The following PCP4 variants were observed in gnomAD, a reference collection of about 807,000 sequenced individuals.
PCP4 encodes the protein Purkinje cell protein 4.
In PCP4, 8 loss-of-function variants were observed where a neutral mutation model predicts 10.0. That is an observed-to-expected ratio of 0.80 (90% CI 0.47 to 1.45). The LOEUF is 1.45. Ranked by LOEUF, PCP4 falls within the 40% of genes most tolerant of loss-of-function variation. The pLI is 0.00. For synonymous variants in PCP4, 21 were observed against 23.0 expected, an observed-to-expected ratio of 0.91 and a Z score of 0.24; for missense variants, 54 against 74.4, an observed-to-expected ratio of 0.73 and a Z score of 1.01.
At chr21:39,872,145 C>T (rs1331695992) in intron 1 of PCP4, among the ~76,000 whole-genome samples, 2 of 152,060 alleles carry the variant, frequency 1.3e-5, no homozygotes, top group Non-Finnish European at 2.9e-5. Context: ...ACTATAGGCT[C>T]CTACCACCAC....
At chr21:39,867,547 AG>A in intron 1 of PCP4, 37 bp downstream of exon 1, 1 of 1,607,696 alleles carries the variant, frequency 6.2e-7, no homozygotes, top group South Asian at 1.1e-5. Flanking sequence ...GAAACTTAGG[AG>A]TGAGAAGGGA....
At chr21:39,927,455 C>G (rs527775225) in intron 2 of PCP4, among the ~76,000 whole-genome samples, 12 of 152,210 alleles carry the variant, frequency 7.9e-5, no homozygotes, top group Admixed American at 7.8e-4. Flanking sequence ...TCAAGGAACC[C>G]CAGCTTCCTC....
chr21:39,921,260 TC>T (rs1197191788), intron 2 of PCP4, among the ~76,000 whole-genome samples: 2 of 152,228 alleles, frequency 1.3e-5, no homozygotes, highest in Non-Finnish European at 2.9e-5. Flanking sequence ...AAGAAGTCTG[TC>T]AGCTTGGTCT....
intron 2 of PCP4, among the ~76,000 whole-genome samples, chr21:39,917,398 C>T (rs2146347668): frequency 6.6e-6 from 1 of 152,312 alleles, no homozygotes; most frequent in East Asian, 1.9e-4. Context: ...CCTGGCCAGC[C>T]CTCACCTGTG....
chr21:39,907,486 C>T (rs1024759663), intron 2 of PCP4, among the ~76,000 whole-genome samples: 1 of 152,136 alleles, frequency 6.6e-6, no homozygotes, highest in Non-Finnish European at 1.5e-5. Flanking sequence ...GCTGTGGCAA[C>T]TTTGCAGAGA....
chr21:39,868,110 C>A (rs1003337089), intron 1 of PCP4, among the ~76,000 whole-genome samples: 2 of 152,210 alleles, frequency 1.3e-5, no homozygotes, highest in African/African-American at 4.8e-5. Flanking sequence ...TTTTGCAAAT[C>A]CAAAGTCACT....
chr21:39,898,661 T>A, intron 2 of PCP4, 134 bp downstream of exon 2: 1 of 677,182 alleles, frequency 1.5e-6, no homozygotes, highest in Non-Finnish European at 2.6e-6. Flanking sequence ...CAGAGGATTT[T>A]AGCAATTCAC....
chr21:39,916,489 C>T (rs1032046931), intron 2 of PCP4, among the ~76,000 whole-genome samples: 36 of 152,124 alleles, frequency 2.4e-4, no homozygotes, highest in South Asian at 2.1e-4. Flanking sequence ...TTCCTCCATC[C>T]CTTTGTTTTG....
chr21:39,874,969 C>T (rs758505294), intron 1 of PCP4, among the ~76,000 whole-genome samples: 100 of 152,238 alleles, frequency 6.6e-4, no homozygotes, highest in African/African-American at 2.1e-3. Flanking sequence ...AGACAGCAAG[C>T]GGTTTCATAA....
At chr21:39,896,756 T>C (rs899672316) in intron 1 of PCP4, among the ~76,000 whole-genome samples, 1 of 152,200 alleles carries the variant, frequency 6.6e-6, no homozygotes, top group Non-Finnish European at 1.5e-5. Flanking sequence ...AGATGATACA[T>C]TTACCATTAA....
Position 39,898,483 on chromosome 21 carries a change from G to T in PCP4, c.17G>T (p.Gly6Val). 3 of 1,613,848 alleles carry T rather than the reference G, an allele frequency of 1.9e-6. No homozygotes were observed. The highest frequency in any genetic ancestry group is 1.1e-5 in the South Asian group (1 of 91,070). The change falls in exon 2 of 3, where the codon GGT becomes GTT. Residue 6 changes from glycine to valine, a missense_variant. Coordinates refer to ENST00000328619, the MANE Select transcript of PCP4 (RefSeq NM_006198.3). Reference sequence around the variant, plus strand: ...TTTATTTTTTGCCTTTAGCGACAAGGTGCTGGGGCAACCAATGGAAAAGAC... The same window carrying T: ...TTTATTTTTTGCCTTTAGCGACAAGTTGCTGGGGCAACCAATGGAAAAGAC... MSERQ[G>V]AGATNGKDKT...
intron 1 of PCP4, among the ~76,000 whole-genome samples, chr21:39,885,363 G>A (rs2087395349): frequency 6.6e-6 from 1 of 152,206 alleles, no homozygotes. Context: ...GCGAGCCTGA[G>A]GCCCAGCGGA....
chr21:39,882,217 T>G (rs1480145664), intron 1 of PCP4, among the ~76,000 whole-genome samples: 1 of 152,210 alleles, frequency 6.6e-6, no homozygotes, highest in African/African-American at 2.4e-5. Context: ...TGTGCTTTCT[T>G]TCTCACACCT....
intron 1 of PCP4, among the ~76,000 whole-genome samples, chr21:39,886,871 G>A (rs528946544): frequency 6.6e-6 from 1 of 152,304 alleles, no homozygotes; most frequent in Non-Finnish European, 1.5e-5. Context: ...ATATTCTGAA[G>A]TATTAACATG....
intron 1 of PCP4, among the ~76,000 whole-genome samples, chr21:39,893,552 G>C (rs887483766): frequency 6.6e-6 from 1 of 152,214 alleles, no homozygotes; most frequent in Non-Finnish European, 1.5e-5. Context: ...CTGCCTCCTG[G>C]ATCCTCCTGT....
chr21:39,902,155 G>A (rs2087484884), intron 2 of PCP4, among the ~76,000 whole-genome samples: 1 of 151,926 alleles, frequency 6.6e-6, no homozygotes. Flanking sequence ...TGTCTTGAAG[G>A]AGCAAGGACC....
intron 2 of PCP4, among the ~76,000 whole-genome samples, chr21:39,912,116 A>G (rs1450444543): frequency 6.6e-6 from 1 of 152,064 alleles, no homozygotes; most frequent in Non-Finnish European, 1.5e-5. Context: ...TTTTTTTCTA[A>G]CATTCTATCT....
chr21:39,926,154 C>T, intron 2 of PCP4: 1 of 447,338 alleles, frequency 2.2e-6, no homozygotes, highest in Non-Finnish European at 4.5e-6. Flanking sequence ...GGGAACTGGA[C>T]TCTCTGAAGT....
At chr21:39,917,443 A>G (rs2087574683) in intron 2 of PCP4, among the ~76,000 whole-genome samples, 1 of 152,152 alleles carries the variant, frequency 6.6e-6, no homozygotes, top group Non-Finnish European at 1.5e-5. Context: ...TCGGGGAATG[A>G]TGTCCTCCAG....
Sources: gnomAD v4.1 joint callset for allele counts (sites outside exome capture counted in the v4.1 genomes callset) on GRCh38, gnomAD v4.1.1 for gene constraint, MANE v1.5 for transcripts, NCBI Gene and HGNC (gene_info 2026-07-23, HGNC 2026-07-21) for gene names.